ADAMTS16: variants seen among roughly 807,000 people sequenced by gnomAD.
ADAMTS16 encodes the protein A disintegrin and metalloproteinase with thrombospondin motifs 16.
ADAMTS16 carries 94 observed loss-of-function variants against 145.8 expected under a neutral mutation model. That is an observed-to-expected ratio of 0.64 (90% CI 0.55 to 0.77). The LOEUF (loss-of-function observed/expected upper bound fraction) is 0.77, where lower values mean the gene tolerates loss of function less well. ADAMTS16 is among the 30% of genes least tolerant of loss of function. The probability of loss-of-function intolerance (pLI) is 0.00; values close to 1 mark genes in which losing one functional copy is unlikely to be tolerated. For missense variants in ADAMTS16, 1,585 were observed against 1,591.5 expected, an observed-to-expected ratio of 1.00 and a Z score of 0.07; for synonymous variants, 659 against 604.3, an observed-to-expected ratio of 1.09 and a Z score of -1.33.
rs1472513234 is a variant in ADAMTS16 at position 5,182,093 on chromosome 5, C to T, written c.551C>T (p.Pro184Leu). ...EEADYFLRPL[P>L]SHLSWKLGRA... ...GCAGATTACTTCCTAAGGCCACTTC[C>T]TTCACACCTCTCATGGAAACTCGGC... Residue 184 changes from proline to leucine, a missense_variant, in exon 4 of 23, where the codon CCT becomes CTT. Around this residue, in one of 3 missense-constraint regions of ADAMTS16, gnomAD observed 453 missense variants for 412.1 expected, o/e 1.10. Transcript: ENST00000274181. The T allele has an allele frequency of 1.2e-6, 2 of 1,613,954 alleles. No homozygotes were observed. Among genetic ancestry groups the T allele is most frequent in the South Asian group, 1.1e-5 (1 of 91,076 alleles).
intron 18 of ADAMTS16, among the ~76,000 whole-genome samples, chr5:5,300,816 G>C (rs1397179176): frequency 2.0e-5 from 3 of 152,160 alleles, no homozygotes; most frequent in African/African-American, 4.8e-5. Flanking sequence ...TGGAGAACTT[G>C]AGGAAAGGCA....
At chr5:5,272,521 C>G (rs937032354) in intron 18 of ADAMTS16, among the ~76,000 whole-genome samples, 1 of 149,698 alleles carries the variant, frequency 6.7e-6, no homozygotes, top group African/African-American at 2.5e-5. Context: ...GCCACTACGC[C>G]TGGCTAATTT....
Position 5,209,098 on chromosome 5 carries a change from C to T in ADAMTS16, c.1457C>T (p.Ala486Val), listed in dbSNP as rs917251957. ...TCATCTCCTCTTTGTTTCAGCACCGCTCAAGCTATCTGCCTTGCTGATCAG... is the reference window on the plus strand; with the variant it reads ...TCATCTCCTCTTTGTTTCAGCACCGTTCAAGCTATCTGCCTTGCTGATCAG... ...RQYLHKFLST[A>V]QAICLADQPK... The change falls in exon 10 of 23, where the codon GCT (alanine) becomes GTT (valine). Residue 486 changes from alanine (A) to valine (V), a missense_variant. Ala to Val is a moderately conservative substitution (Grantham distance 64). This residue lies in a region of ADAMTS16 where 298 missense variants were observed against 367.6 expected (regional missense o/e 0.81). Transcript: ENST00000274181. The T allele has an allele frequency of 6.2e-7, 1 of 1,613,298 alleles. No individual in the cohort carries two copies. The highest frequency in any genetic ancestry group is 1.3e-5 in the African/African-American group (1 of 75,022).
At chr5:5,255,377 T>C (rs1480199235) in intron 17 of ADAMTS16, among the ~76,000 whole-genome samples, 1 of 152,214 alleles carries the variant, frequency 6.6e-6, no homozygotes, top group African/African-American at 2.4e-5. Context: ...ACAAAATAAA[T>C]AGAGAGATTG....
intron 17 of ADAMTS16, among the ~76,000 whole-genome samples, chr5:5,246,549 T>C (rs1737449390): frequency 6.6e-6 from 1 of 152,220 alleles, no homozygotes; most frequent in Non-Finnish European, 1.5e-5. Context: ...TCAGTCAGCA[T>C]ATGCTTGGGT....
At chr5:5,204,673 C>G (rs1230424509) in intron 9 of ADAMTS16, among the ~76,000 whole-genome samples, 1 of 152,130 alleles carries the variant, frequency 6.6e-6, no homozygotes, top group African/African-American at 2.4e-5. Flanking sequence ...AAAACTTATT[C>G]ATTCATTCTG....
chr5:5,222,690 T>C (rs893318576), intron 10 of ADAMTS16, 99 bp from the exon 11 acceptor site: 8 of 979,746 alleles, frequency 8.2e-6, no homozygotes, highest in Non-Finnish European at 1.3e-5. Flanking sequence ...TTGTAAATTA[T>C]ATCTGTTGTT....
At chr5:5,167,933 G>A (rs1033225946) in intron 3 of ADAMTS16, among the ~76,000 whole-genome samples, 5 of 152,208 alleles carry the variant, frequency 3.3e-5, no homozygotes, top group Admixed American at 2.6e-4. Context: ...GTTTTTAACT[G>A]TATCCAATTT....
At chr5:5,226,897 C>T (rs1736781308) in intron 11 of ADAMTS16, among the ~76,000 whole-genome samples, 1 of 152,190 alleles carries the variant, frequency 6.6e-6, no homozygotes, top group Non-Finnish European at 1.5e-5. Flanking sequence ...TCTGTGGTCA[C>T]CCCAGGAGAA....
intron 17 of ADAMTS16, among the ~76,000 whole-genome samples, chr5:5,259,991 T>C (rs1737950260): frequency 6.6e-6 from 1 of 152,192 alleles, no homozygotes; most frequent in Non-Finnish European, 1.5e-5. Flanking sequence ...CCCAAATCCA[T>C]CTTTGATTTT....
Position 5,264,944 on chromosome 5 carries a change from T to C in ADAMTS16, c.2789+2161T>C, listed in dbSNP as rs562520498. 5.3e-5 allele frequency among the ~76,000 whole-genome samples: 8 copies of C among 152,304 alleles called. No individual in the cohort carries two copies. The South Asian group carries it at 1.7e-3, about 32-fold the overall frequency. ...TCCCTGAGCCAACCCTGTGGGCCAC[T>C]GCAGGAGAGCTGGCTGCTGGCCTTT... On this transcript the variant is annotated intron_variant, in intron 18 of 22. Coordinates refer to ENST00000274181, the MANE Select transcript of ADAMTS16 (RefSeq NM_139056.4).
At chr5:5,217,992 A>C (rs555769699) in intron 10 of ADAMTS16, among the ~76,000 whole-genome samples, 14 of 152,326 alleles carry the variant, frequency 9.2e-5, no homozygotes, top group East Asian at 7.7e-4. Context: ...GAGTAACCCC[A>C]AAACCCAGCA....
At chr5:5,198,179 G>T (rs1735858928) in intron 8 of ADAMTS16, among the ~76,000 whole-genome samples, 1 of 152,178 alleles carries the variant, frequency 6.6e-6, no homozygotes, top group Non-Finnish European at 1.5e-5. Context: ...TTCATTAGCA[G>T]CTCAAGGGCC....
rs1736810835 is a variant in ADAMTS16 at position 5,227,701 on chromosome 5, A to G, written c.1702-4667A>G. 3.3e-5 allele frequency among the ~76,000 whole-genome samples: 5 copies of G among 152,354 alleles called. No homozygotes were observed. The South Asian group carries it at 1.0e-3, about 32-fold the overall frequency. On this transcript the variant is annotated intron_variant, in intron 11 of 22. Coordinates refer to ENST00000274181, the MANE Select transcript of ADAMTS16 (RefSeq NM_139056.4). ...AGAAATAACAAAAGATGTAAAAACC[A>G]AAGTTACTTTTGCACTGTCTTAATA... is the stretch of plus-strand genomic sequence containing the variant.
At chr5:5,240,826 T>G (rs938811185) in intron 16 of ADAMTS16, among the ~76,000 whole-genome samples, 1 of 152,174 alleles carries the variant, frequency 6.6e-6, no homozygotes, top group African/African-American at 2.4e-5. Context: ...ATAAACAAAT[T>G]TATCTTGAAT....
chr5:5,219,294 C>T (rs188209263), intron 10 of ADAMTS16, among the ~76,000 whole-genome samples: 96 of 152,276 alleles, frequency 6.3e-4, no homozygotes, highest in South Asian at 2.3e-3. Context: ...TGTTAACTAT[C>T]GTCACCCTAT....
intron 4 of ADAMTS16, among the ~76,000 whole-genome samples, chr5:5,182,602 G>T (rs1485829282): frequency 6.6e-6 from 1 of 152,120 alleles, no homozygotes; most frequent in Non-Finnish European, 1.5e-5. Flanking sequence ...ATCTTCAAAA[G>T]AACCCAGGCA....
chr5:5,164,685 C>A (rs1314855751), intron 3 of ADAMTS16, among the ~76,000 whole-genome samples: 1 of 151,856 alleles, frequency 6.6e-6, no homozygotes, highest in South Asian at 2.1e-4. Context: ...TCCTTTTTTT[C>A]TTTTTTCTTG....
intron 13 of ADAMTS16, 94 bp from the exon 14 acceptor site, chr5:5,236,875 G>A: frequency 1.4e-6 from 2 of 1,446,048 alleles, no homozygotes; most frequent in Non-Finnish European, 1.8e-6. Context: ...TATTTTATGG[G>A]GGAAGAAAGA....
Sources: gnomAD v4.1 joint callset for allele counts (sites outside exome capture counted in the v4.1 genomes callset) on GRCh38, gnomAD v4.1.1 for gene constraint, gnomAD v4.1.1 regional missense constraint, MANE v1.5 for transcripts, NCBI Gene and HGNC (gene_info 2026-07-23, HGNC 2026-07-21) for gene names.